The following CD9 variants were observed in gnomAD, a reference collection of about 807,000 sequenced individuals.
The protein encoded by CD9 is CD9 molecule, also known as CD9 antigen.
CD9 carries 10 observed loss-of-function variants against 31.4 expected under a neutral mutation model. The ratio of observed to expected loss-of-function variants is 0.32; its 90% confidence interval spans 0.20 to 0.54. CD9 has a LOEUF of 0.54. CD9 is among the 20% of genes least tolerant of loss of function. CD9 has a pLI of 0.94. For missense variants in CD9, 259 were observed against 300.1 expected (o/e 0.86, Z 1.01); for synonymous variants, 113 against 114.1 (o/e 0.99, Z 0.06).
intron 7 of CD9, 150 bp from the exon 8 acceptor site, chr12:6,237,613 C>T: frequency 1.8e-6 from 1 of 549,816 alleles, no homozygotes; most frequent in South Asian, 2.2e-5. Flanking sequence ...CTGCATCTCT[C>T]CTGCTTCAGC....
intron 2 of CD9, among the ~76,000 whole-genome samples, chr12:6,231,111 C>T (rs1043776338): frequency 2.0e-5 from 3 of 152,166 alleles, no homozygotes; most frequent in Non-Finnish European, 4.4e-5. Flanking sequence ...CAGACTTTCT[C>T]TCTCGCGTGC....
intron 1 of CD9, among the ~76,000 whole-genome samples, chr12:6,202,814 T>G (rs913614755): frequency 1.4e-4 from 21 of 152,214 alleles, no homozygotes; most frequent in African/African-American, 5.1e-4. Context: ...GCTCTCTTAT[T>G]CATAGTGAGG....
At chr12:6,222,216 C>T (rs1384663489) in intron 1 of CD9, among the ~76,000 whole-genome samples, 1 of 152,202 alleles carries the variant, frequency 6.6e-6, no homozygotes, top group Non-Finnish European at 1.5e-5. Flanking sequence ...TCTCCAACAG[C>T]GTTACAGAAA....
chr12:6,219,165 C>T (rs1946269299), intron 1 of CD9, among the ~76,000 whole-genome samples: 1 of 151,966 alleles, frequency 6.6e-6, no homozygotes, highest in African/African-American at 2.4e-5. Flanking sequence ...ACCACCACGC[C>T]CGGCTAATTT....
Position 6,232,957 on chromosome 12 carries a change from TC to T in CD9, c.273+233del, listed in dbSNP as rs1427428832. The T allele has an allele frequency of 1.0e-5, 7 of 702,478 alleles. No individual in the cohort carries two copies. The East Asian group carries it at 1.1e-4, about 11-fold the overall frequency. The allele number at this position is 702,478 out of a possible 1,614,324, so 43.5% of individuals were successfully genotyped here. A position where few individuals can be genotyped will look rare whatever the true frequency, so the allele number is the denominator to read the frequency against. On this transcript the variant is annotated intron_variant, in intron 3 of 7. Coordinates refer to ENST00000009180, the MANE Select transcript of CD9 (RefSeq NM_001769.4). The surrounding 1 kb of genome is among the most constrained non-coding windows in gnomAD (Gnocchi z 4.8). ...CCTAGGCAACTAAAAGGACTATGTT[TC>T]CCCCTTTTCTCGAGGACCACGTTTG...
intron 6 of CD9, 133 bp from the exon 7 acceptor site, chr12:6,236,059 T>A (rs1946518027): frequency 2.0e-6 from 3 of 1,466,706 alleles, no homozygotes; most frequent in Non-Finnish European, 2.7e-6. Flanking sequence ...ACTTCTCTTA[T>A]CCCCGAACAC....
chr12:6,202,105 C>T (rs1208567246), intron 1 of CD9, among the ~76,000 whole-genome samples: 3 of 152,152 alleles, frequency 2.0e-5, no homozygotes, highest in Admixed American at 6.5e-5. Context: ...CCACAAGCCT[C>T]CTTAGGGAAA....
At chr12:6,211,670 CAA>C (rs2136607914) in intron 1 of CD9, among the ~76,000 whole-genome samples, 1 of 152,326 alleles carries the variant, frequency 6.6e-6, no homozygotes, top group East Asian at 1.9e-4. Flanking sequence ...CAACGGAAAA[CAA>C]ATGTGTGGTA....
chr12:6,216,935 C>G (rs1001981624), intron 1 of CD9, among the ~76,000 whole-genome samples: 1 of 152,168 alleles, frequency 6.6e-6, no homozygotes, highest in Non-Finnish European at 1.5e-5. Context: ...CTGGCTGTAA[C>G]ACTTCACAGT....
intron 1 of CD9, among the ~76,000 whole-genome samples, chr12:6,219,923 A>G (rs2136617623): frequency 6.6e-6 from 1 of 152,360 alleles, no homozygotes; most frequent in Non-Finnish European, 1.5e-5. Context: ...TCACTGAAGT[A>G]GTCATTCATT....
At chr12:6,207,680 T>C (rs1272281673) in intron 1 of CD9, among the ~76,000 whole-genome samples, 1 of 152,142 alleles carries the variant, frequency 6.6e-6, no homozygotes, top group Non-Finnish European at 1.5e-5. Context: ...GAGGGATCAT[T>C]TGGGGAGCTG....
intron 3 of CD9, chr12:6,233,010 C>CTT (rs1565428997): frequency 1.4e-6 from 1 of 702,406 alleles, no homozygotes; most frequent in Non-Finnish European, 2.6e-6. Flanking sequence ...CCACAGGTAC[C>CTT]TTTGCCTTCT....
intron 1 of CD9, among the ~76,000 whole-genome samples, chr12:6,224,534 G>A (rs1304867152): frequency 1.3e-5 from 2 of 152,192 alleles, no homozygotes; most frequent in East Asian, 3.8e-4. Flanking sequence ...GCTATCAATA[G>A]CTCCTGGAGC....
At position 6,232,461 on chromosome 12, in the gene CD9, G is replaced by A; in HGVS notation, c.176-171G>A. On this transcript the variant is annotated intron_variant, in intron 2 of 7. Transcript: ENST00000009180. The surrounding 1 kb of genome is among the most constrained non-coding windows in gnomAD (Gnocchi z 4.8). The stretch of plus-strand genomic sequence containing the variant: ...GCTGGTGGGAAGGAGACCTGGGGCA[G>A]AGGTGGAAGAGGAGGCTGTATTTTA... The A allele has an allele frequency of 1.6e-6, 1 of 642,514 alleles. No homozygotes were observed. Among genetic ancestry groups the A allele is most frequent in the South Asian group, 1.8e-5 (1 of 56,340 alleles). 39.8% of individuals were successfully genotyped at this position (642,514 alleles called of 1,614,324 possible).
intron 1 of CD9, among the ~76,000 whole-genome samples, chr12:6,201,294 C>G (rs528000790): frequency 8.0e-6 from 1 of 125,342 alleles, no homozygotes; most frequent in Non-Finnish European, 1.8e-5. Flanking sequence ...AGTATCTTCA[C>G]TGGAGAGAAC....
intron 1 of CD9, 97 bp from the exon 2 acceptor site, chr12:6,225,329 G>A: frequency 1.3e-6 from 1 of 775,098 alleles, no homozygotes; most frequent in South Asian, 1.5e-5. Context: ...GACCAAGGGT[G>A]GTCACAAAGT....
intron 1 of CD9, among the ~76,000 whole-genome samples, chr12:6,219,539 A>G (rs549626687): frequency 4.0e-5 from 6 of 150,728 alleles, no homozygotes; most frequent in East Asian, 2.0e-4. Context: ...AGGCTGGAGT[A>G]CAGTGGCGTG....
At chr12:6,235,130 C>A in intron 4 of CD9, 99 bp from the exon 5 acceptor site, 1 of 893,196 alleles carries the variant, frequency 1.1e-6, no homozygotes, top group Non-Finnish European at 1.8e-6. Context: ...CATCTGGTGG[C>A]TGAGAGCTTA....
chr12:6,235,880 G>A (rs756180498), intron 6 of CD9: 11 of 1,368,262 alleles, frequency 8.0e-6, no homozygotes, highest in Non-Finnish European at 1.0e-5. Flanking sequence ...CTGTCTGTAA[G>A]CCAGAGTTAA....
Sources: allele counts gnomAD v4.1 joint callset (sites outside exome capture counted in the v4.1 genomes callset), GRCh38; gene constraint gnomAD v4.1.1; non-coding constraint Gnocchi (gnomAD v3.1); transcripts MANE v1.5; gene names NCBI Gene and HGNC (gene_info 2026-07-23, HGNC 2026-07-21).